LHPP: variants seen among roughly 807,000 people sequenced by gnomAD.
LHPP encodes hLHPP.
In LHPP, 24 loss-of-function variants were observed where a neutral mutation model predicts 30.3. The ratio of observed to expected loss-of-function variants is 0.79; its 90% CI spans 0.57 to 1.11. The LOEUF (loss-of-function observed/expected upper bound fraction) is 1.11. Ranked by LOEUF, LHPP falls within the 50% of genes most tolerant of loss-of-function variation. The probability of loss-of-function intolerance (pLI) is 0.00; values close to 1 mark genes in which losing one functional copy is unlikely to be tolerated. For missense variants in LHPP, 356 were observed against 367.2 expected, an observed-to-expected ratio of 0.97 and a Z score of 0.25; for synonymous variants, 150 against 157.1, an observed-to-expected ratio of 0.95 and a Z score of 0.34.
At chr10:124,470,648 T>TAACAAC (rs10682827) in intron 1 of LHPP, among the ~76,000 whole-genome samples, 44,785 of 144,738 alleles carry the variant, frequency 0.31, 7,420 homozygotes, top group African/African-American at 0.43. Flanking sequence ...GCAGCAATAG[T>TAACAAC]AACAACAACA....
intron 1 of LHPP, among the ~76,000 whole-genome samples, chr10:124,467,224 C>T (rs1952576407): frequency 6.6e-6 from 1 of 151,762 alleles, no homozygotes; most frequent in Admixed American, 6.6e-5. Flanking sequence ...GGGGCTTGGA[C>T]TGGGTAGAAG....
intron 6 of LHPP, among the ~76,000 whole-genome samples, chr10:124,595,989 A>AC (rs1948937012): frequency 6.6e-6 from 1 of 151,706 alleles, no homozygotes; most frequent in Admixed American, 6.6e-5. Flanking sequence ...CCGTGCCTTC[A>AC]CCCCCGTCTT....
chr10:124,497,229 CCCTTCCCATCCTTCCCATCCTCCCCAT>C (rs1953745075), intron 4 of LHPP, among the ~76,000 whole-genome samples: 1 of 147,294 alleles, frequency 6.8e-6, no homozygotes, highest in Non-Finnish European at 1.5e-5. Flanking sequence ...CCCCATCTCT[CCCTTCCCATCCTTCCCATCCTCCCCAT>C]CCTCCCCATC....
chr10:124,504,123 C>T lies in LHPP; in HGVS notation c.624+5995C>T, dbSNP rs1483248352. On this transcript the variant is annotated intron_variant, in intron 5 of 6. Transcript: ENST00000368842. ...GGGAGAATCACTTGAACCCAGGAGGCGGAGGTTACAGTGAGCCGAGATCCT... is the reference window on the plus strand; with the variant it reads ...GGGAGAATCACTTGAACCCAGGAGGTGGAGGTTACAGTGAGCCGAGATCCT... Among the ~76,000 whole-genome samples, 12 of 151,898 alleles carry T rather than the reference C, an allele frequency of 7.9e-5. No homozygotes were observed. The East Asian group carries it at 1.9e-3, about 24-fold the overall frequency.
intron 6 of LHPP, among the ~76,000 whole-genome samples, chr10:124,594,329 C>CAAAAAA (rs71026102): frequency 2.1e-4 from 16 of 75,256 alleles, no homozygotes; most frequent in Admixed American, 3.5e-4. Context: ...GACTCCATCT[C>CAAAAAA]AAAAAAAAAA....
intron 3 of LHPP, among the ~76,000 whole-genome samples, chr10:124,493,547 C>T (rs1166969860): frequency 6.6e-6 from 1 of 152,224 alleles, no homozygotes; most frequent in African/African-American, 2.4e-5. Flanking sequence ...TGTCATGCCG[C>T]TCTCAGAAAA....
At chr10:124,538,422 G>T (rs1419742870) in intron 6 of LHPP, among the ~76,000 whole-genome samples, 1 of 152,220 alleles carries the variant, frequency 6.6e-6, no homozygotes, top group Admixed American at 6.5e-5. Flanking sequence ...ATGCTGTGGA[G>T]CATCTGTAGT....
intron 6 of LHPP, among the ~76,000 whole-genome samples, chr10:124,548,787 C>T (rs2133955660): frequency 6.6e-6 from 1 of 152,342 alleles, no homozygotes; most frequent in Middle Eastern, 3.4e-3. Flanking sequence ...AACCCTGAGG[C>T]TTCCCCAAGG....
chr10:124,498,602 C>G (rs1313773038), intron 5 of LHPP: 1 of 778,502 alleles, frequency 1.3e-6, no homozygotes, highest in African/African-American at 1.8e-5. Flanking sequence ...ATTGTCTACA[C>G]CTACCCCAAC....
chr10:124,612,873 C>T (rs1949220043), intron 6 of LHPP: 1 of 222,974 alleles, frequency 4.5e-6, no homozygotes, highest in East Asian at 1.1e-4. Flanking sequence ...TCCCACGGGG[C>T]ACTAGGCCAG....
At chr10:124,577,429 A>T (rs1662996478) in intron 6 of LHPP, among the ~76,000 whole-genome samples, 1 of 152,142 alleles carries the variant, frequency 6.6e-6, no homozygotes. Flanking sequence ...CAAAGAAAAA[A>T]CTTAATTAGC....
intron 6 of LHPP, among the ~76,000 whole-genome samples, chr10:124,602,981 G>T (rs1333644408): frequency 2.0e-5 from 3 of 152,220 alleles, no homozygotes; most frequent in Non-Finnish European, 2.9e-5. Flanking sequence ...CCCTTGTCAG[G>T]CCTCCTGGAC....
intron 1 of LHPP, among the ~76,000 whole-genome samples, chr10:124,477,036 C>G (rs1380616963): frequency 1.3e-5 from 2 of 152,170 alleles, no homozygotes; most frequent in African/African-American, 4.8e-5. Context: ...CGAAACCCGT[C>G]TACTAAAAAT....
At chr10:124,604,316 C>T (rs150732402) in intron 6 of LHPP, among the ~76,000 whole-genome samples, 2 of 152,320 alleles carry the variant, frequency 1.3e-5, no homozygotes, top group Non-Finnish European at 2.9e-5. Context: ...GGCCAGGTCA[C>T]GGGCTGGATG....
At chr10:124,548,084 T>C (rs959446851) in intron 6 of LHPP, among the ~76,000 whole-genome samples, 6 of 151,738 alleles carry the variant, frequency 4.0e-5, no homozygotes, top group African/African-American at 1.2e-4. Context: ...TCCTGGGAGG[T>C]AAAGGGGAGC....
chr10:124,542,875 C>A (rs1589847270), intron 6 of LHPP, among the ~76,000 whole-genome samples: 2 of 152,210 alleles, frequency 1.3e-5, no homozygotes, highest in East Asian at 3.9e-4. Context: ...GTCTCCCTGA[C>A]CGAGGCTGAG....
chr10:124,471,725 GTA>G lies in LHPP; in HGVS notation c.125+9748_125+9749del, dbSNP rs1348708866. On this transcript the variant is annotated intron_variant, in intron 1 of 6. Transcript: ENST00000368842. ...TATATATATTTGTATATATATTTAT[GTA>G]TATATATATTTGTATATATATTTGT... 7.0e-4 allele frequency among the ~76,000 whole-genome samples: 8 copies of G among 11,392 alleles called. 1 individual carries two copies. Among genetic ancestry groups the G allele is most frequent in the African/African-American group, 1.3e-3 (6 of 4,544 alleles). 7.5% of individuals were successfully genotyped at this position (11,392 alleles called of 152,430 possible). A position where few individuals can be genotyped will look rare whatever the true frequency, so the allele number is the denominator to read the frequency against.
At chr10:124,584,234 G>A (rs577131223) in intron 6 of LHPP, among the ~76,000 whole-genome samples, 160 of 151,706 alleles carry the variant, frequency 1.1e-3, no homozygotes, top group African/African-American at 3.0e-3. Context: ...GCATGGTGGC[G>A]TGCACCTGTA....
rs1955171979 is a variant in LHPP at position 124,541,058 on chromosome 10, G to C, written c.716+23787G>C. Among the ~76,000 whole-genome samples, 1 of 152,148 alleles carries C rather than the reference G, an allele frequency of 6.6e-6. No individual in the cohort carries two copies. Among genetic ancestry groups the C allele is most frequent in the South Asian group, 2.1e-4 (1 of 4,826 alleles). ...AAATTATTTAACAGCTTTTTTAATG[G>C]AGGAAGGGGCCCCCCAAATCACAAA... On this transcript the variant is annotated intron_variant, in intron 6 of 6. Coordinates refer to ENST00000368842, the MANE Select transcript of LHPP (RefSeq NM_022126.4). The surrounding 1 kb of genome is among the most constrained non-coding windows in gnomAD (Gnocchi z 4.2).
Sources: gnomAD v4.1 joint callset for allele counts (sites outside exome capture counted in the v4.1 genomes callset) on GRCh38, gnomAD v4.1.1 for gene constraint, Gnocchi (gnomAD v3.1) non-coding constraint, MANE v1.5 for transcripts, NCBI Gene and HGNC (gene_info 2026-07-23, HGNC 2026-07-21) for gene names.